Variants in AXDND1 observed in about 807,000 individuals in gnomAD.
The protein encoded by AXDND1 is axonemal dynein light chain domain-containing protein 1.
In AXDND1, 110 loss-of-function variants were observed where a neutral mutation model predicts 137.5. That is an observed-to-expected ratio of 0.80 (90% CI 0.69 to 0.94). AXDND1 has a LOEUF of 0.94. Ranked by LOEUF, AXDND1 falls within the 40% of genes least tolerant of loss-of-function variation. AXDND1 has a pLI of 0.00. For synonymous variants in AXDND1, 414 were observed against 399.7 expected (o/e 1.04, Z -0.43); for missense variants, 1,191 against 1,169.8 (o/e 1.02, Z -0.26).
intron 9 of AXDND1, among the ~76,000 whole-genome samples, chr1:179,386,362 T>C (rs569638751): frequency 6.6e-6 from 1 of 152,300 alleles, no homozygotes; most frequent in South Asian, 2.1e-4. Flanking sequence ...GATTTTTTCT[T>C]TACCATTGCT....
chr1:179,451,043 C>CT (rs1558196765), intron 16 of AXDND1: 1 of 152,124 alleles, frequency 6.6e-6, no homozygotes, highest in Non-Finnish European at 1.5e-5. Flanking sequence ...TTATCTGTAG[C>CT]TTTTCTTTCT....
At chr1:179,538,880 A>T (rs879895940) in intron 25 of AXDND1, among the ~76,000 whole-genome samples, 6,989 of 152,202 alleles carry the variant, frequency 0.046, 238 homozygotes, top group Non-Finnish European at 0.07. Context: ...GTGCTCCTGT[A>T]TTGGGTGCAT....
chr1:179,507,034 C>T (rs1668606065), intron 20 of AXDND1: 2 of 399,154 alleles, frequency 5.0e-6, no homozygotes, highest in Admixed American at 1.3e-4. Context: ...CTATAAAAGA[C>T]TCTCCTGTGG....
chr1:179,524,756 T>C (rs934419906), intron 21 of AXDND1, among the ~76,000 whole-genome samples: 1 of 152,222 alleles, frequency 6.6e-6, no homozygotes, highest in Non-Finnish European at 1.5e-5. Context: ...TTTCTCTTCC[T>C]CTGCTTCCCT....
intron 19 of AXDND1, among the ~76,000 whole-genome samples, 192 bp from the exon 20 acceptor site, chr1:179,492,663 G>A (rs1667050261): frequency 6.6e-6 from 1 of 152,180 alleles, no homozygotes; most frequent in African/African-American, 2.4e-5. Context: ...AAGGGAGAAG[G>A]AGGACAAGGG....
intron 5 of AXDND1, 67 bp downstream of exon 5, chr1:179,378,824 A>AT: frequency 8.2e-7 from 1 of 1,225,752 alleles, no homozygotes; most frequent in East Asian, 3.3e-5. Context: ...TTTTAAAATG[A>AT]TTTTTAATAT....
intron 24 of AXDND1, among the ~76,000 whole-genome samples, chr1:179,534,275 G>T (rs150870838): frequency 6.6e-6 from 1 of 152,166 alleles, no homozygotes; most frequent in Non-Finnish European, 1.5e-5. Flanking sequence ...GGAGAAGAGC[G>T]TAGCCATGTA....
At chr1:179,469,408 C>G (rs1319663) in intron 17 of AXDND1, among the ~76,000 whole-genome samples, 25,515 of 151,986 alleles carry the variant, frequency 0.17, 2,475 homozygotes, top group East Asian at 0.35. Context: ...ATTCATTTGT[C>G]CATTGATAGA....
chr1:179,538,002 G>A (rs1254586705), intron 25 of AXDND1, among the ~76,000 whole-genome samples: 2 of 152,194 alleles, frequency 1.3e-5, no homozygotes, highest in African/African-American at 4.8e-5. Context: ...AGTATTGTCT[G>A]ATGGTAGTTT....
intron 18 of AXDND1, among the ~76,000 whole-genome samples, chr1:179,488,687 C>CT (rs1291393397): frequency 8.6e-6 from 1 of 116,680 alleles, no homozygotes; most frequent in African/African-American, 3.7e-5. Flanking sequence ...TTCTTTCTTT[C>CT]TTTCTTTCTT....
rs1026789611 is a variant in AXDND1, at chr1:179,394,024, G to A, written c.985G>A (p.Val329Ile). The A allele has an allele frequency of 3.1e-6, 5 of 1,605,290 alleles. No individual in the cohort carries two copies. The highest frequency in any genetic ancestry group is 1.7e-4 in the Middle Eastern group (1 of 6,038). ...AGAAGAATTGTATAATTTCAAGCAT[G>A]TTATTGAAGAACTGACCAGGTAAAA... is the stretch of plus-strand genomic sequence containing the variant. ...ILEELYNFKH[V>I]IEELTRELCL... The change falls in exon 10 of 26, where the codon GTT becomes ATT. Residue 329 changes from valine to isoleucine, a missense_variant. Val to Ile is a conservative substitution (Grantham distance 29). Transcript: ENST00000367618.
At chr1:179,527,738 C>CT (rs1182026102) in intron 22 of AXDND1, among the ~76,000 whole-genome samples, 4 of 152,154 alleles carry the variant, frequency 2.6e-5, no homozygotes, top group African/African-American at 9.7e-5. Context: ...TTACTATACT[C>CT]TGAGACTCAC....
chr1:179,553,912 ATT>A (rs11422639), intron 25 of AXDND1, among the ~76,000 whole-genome samples: 17 of 131,830 alleles, frequency 1.3e-4, no homozygotes, highest in Admixed American at 2.3e-4. Context: ...CCCCTGGCTA[ATT>A]TTTTTTTTTT....
chr1:179,502,562 T>TAA (rs35740934), intron 20 of AXDND1, among the ~76,000 whole-genome samples: 23 of 81,034 alleles, frequency 2.8e-4, no homozygotes, highest in South Asian at 9.6e-4. Context: ...AAACTCTGTC[T>TAA]AAAAAAAAAA....
At chr1:179,528,641 CTTTTT>C (rs34531104) in intron 23 of AXDND1, among the ~76,000 whole-genome samples, 116 of 115,352 alleles carry the variant, frequency 1.0e-3, no homozygotes, top group Non-Finnish European at 1.6e-3. Flanking sequence ...CTTTAAACCT[CTTTTT>C]TTTTTTTTTT....
chr1:179,487,007 A>G (rs1269375862), intron 18 of AXDND1, among the ~76,000 whole-genome samples: 1 of 148,748 alleles, frequency 6.7e-6, no homozygotes, highest in Non-Finnish European at 1.5e-5. Flanking sequence ...TGCCCCAATT[A>G]AAAGGCACAG....
chr1:179,527,246 G>T (rs768503348), intron 22 of AXDND1, among the ~76,000 whole-genome samples: 1 of 152,156 alleles, frequency 6.6e-6, no homozygotes, highest in Non-Finnish European at 1.5e-5. Context: ...CTGTCATGGC[G>T]CTGATGGGAG....
intron 20 of AXDND1, among the ~76,000 whole-genome samples, chr1:179,508,470 CCCA>C (rs1035054819): frequency 1.3e-5 from 2 of 152,090 alleles, no homozygotes; most frequent in African/African-American, 4.8e-5. Flanking sequence ...GATCTCTGTT[CCCA>C]GAGAGGACAA....
Position 179,445,184 on chromosome 1 carries a change from TAAG to T in AXDND1, c.1781_1783del (p.Arg594del). On this transcript the variant is annotated inframe_deletion, in exon 16 of 26. Coordinates refer to ENST00000367618, the MANE Select transcript of AXDND1 (RefSeq NM_144696.6). Reference sequence around the variant, plus strand: ...CAAAAACTCTACAAAGAATATGAAATAAGAATAAATGGGGACAATGGTAAGAAA... The same window carrying T: ...CAAAAACTCTACAAAGAATATGAAATAATAAATGGGGACAATGGTAAGAAA... 5 of 1,587,856 alleles carry T rather than the reference TAAG, an allele frequency of 3.1e-6. No individual in the cohort carries two copies. The highest frequency in any genetic ancestry group is 3.4e-6 in the Non-Finnish European group (4 of 1,162,936).
Sources: allele counts gnomAD v4.1 joint callset (sites outside exome capture counted in the v4.1 genomes callset), GRCh38; gene constraint gnomAD v4.1.1; transcripts MANE v1.5; gene names NCBI Gene and HGNC (gene_info 2026-07-23, HGNC 2026-07-21).